The following MECOM variants were observed in gnomAD, a reference collection of about 807,000 sequenced individuals.
MECOM encodes the protein histone-lysine N-methyltransferase MECOM.
Under a neutral mutation model 116.3 loss-of-function variants are expected in MECOM, and 13 were observed. The ratio of observed to expected loss-of-function variants is 0.11; its 90% CI spans 0.07 to 0.18. The LOEUF (loss-of-function observed/expected upper bound fraction) is 0.18. Among genes scored for constraint, MECOM ranks in the 10% least tolerant of loss-of-function variants. The probability of loss-of-function intolerance (pLI) is 1.00; values close to 1 mark genes in which losing one functional copy is unlikely to be tolerated. For synonymous variants in MECOM, 528 were observed against 535.2 expected, an observed-to-expected ratio of 0.99 and a Z score of 0.19; for missense variants, 1,299 against 1,509.0, an observed-to-expected ratio of 0.86 and a Z score of 2.31.
At chr3:169,460,401 A>G (rs1053835887) in intron 1 of MECOM, among the ~76,000 whole-genome samples, 1 of 152,170 alleles carries the variant, frequency 6.6e-6, no homozygotes, top group African/African-American at 2.4e-5. Context: ...TTGTCTAAAC[A>G]ATAGAAGTAT....
At chr3:169,404,821 G>T (rs1234882403) in intron 1 of MECOM, among the ~76,000 whole-genome samples, 1 of 152,168 alleles carries the variant, frequency 6.6e-6, no homozygotes, top group Non-Finnish European at 1.5e-5. Flanking sequence ...CAAGGCCTCT[G>T]ATTATTCTAA....
intron 1 of MECOM, among the ~76,000 whole-genome samples, chr3:169,648,177 C>G (rs369247565): frequency 6.6e-6 from 1 of 152,172 alleles, no homozygotes; most frequent in East Asian, 1.9e-4. Context: ...AAGTCCTGGC[C>G]AATGCCAAGG....
intron 2 of MECOM, among the ~76,000 whole-genome samples, chr3:169,167,296 C>G (rs73170012): frequency 0.07 from 10,711 of 152,198 alleles, 483 homozygotes; most frequent in South Asian, 0.19. Flanking sequence ...ATATTCACCC[C>G]CTGTGCCTTC....
intron 2 of MECOM, among the ~76,000 whole-genome samples, chr3:169,275,916 CT>C (rs898194963): frequency 2.6e-5 from 4 of 151,980 alleles, no homozygotes; most frequent in East Asian, 1.9e-4. Flanking sequence ...AACATGTATT[CT>C]TTTTTTTAAC....
intron 1 of MECOM, among the ~76,000 whole-genome samples, chr3:169,517,110 T>TACA (rs993272309): frequency 1.1e-4 from 16 of 151,946 alleles, no homozygotes; most frequent in African/African-American, 3.1e-4. Context: ...CCATGGATCA[T>TACA]ACAACAACAA....
intron 2 of MECOM, among the ~76,000 whole-genome samples, chr3:169,299,974 C>T (rs947333109): frequency 4.6e-5 from 7 of 152,134 alleles, no homozygotes; most frequent in African/African-American, 1.4e-4. Flanking sequence ...CTTTCCCCTC[C>T]ACTCCCTCAC....
At chr3:169,323,460 C>A (rs548326300) in intron 2 of MECOM, among the ~76,000 whole-genome samples, 1 of 152,072 alleles carries the variant, frequency 6.6e-6, no homozygotes, top group East Asian at 1.9e-4. Context: ...GGCATTTGGA[C>A]GGCCTATGAA....
chr3:169,585,036 A>C lies in MECOM; in HGVS notation c.37+78300T>G, dbSNP rs758833357. On this transcript the variant is annotated intron_variant, in intron 1 of 16. Transcript: ENST00000651503. ...TTATCAAGCAAGATGAAATGGGAAA[A>C]TGGATAGAACATAAAGAAAATCTTC... Among the ~76,000 whole-genome samples the C allele has an allele frequency of 2.8e-4, 42 of 152,260 alleles. 1 individual carries two copies. The highest frequency in any genetic ancestry group is 4.8e-4 in the Non-Finnish European group (33 of 68,044).
chr3:169,428,690 A>C (rs1741127582), intron 1 of MECOM, among the ~76,000 whole-genome samples: 1 of 152,158 alleles, frequency 6.6e-6, no homozygotes, highest in African/African-American at 2.4e-5. Flanking sequence ...CCTTTTTTCT[A>C]CTTGCAAAAT....
At chr3:169,300,077 G>A (rs1384271514) in intron 2 of MECOM, among the ~76,000 whole-genome samples, 1 of 152,144 alleles carries the variant, frequency 6.6e-6, no homozygotes, top group African/African-American at 2.4e-5. Context: ...GCCTAACTGA[G>A]TGCACTCTGA....
At chr3:169,123,763 C>T (rs2149137967) in intron 5 of MECOM, among the ~76,000 whole-genome samples, 1 of 152,014 alleles carries the variant, frequency 6.6e-6, no homozygotes, top group East Asian at 1.9e-4. Context: ...TAGATAATAT[C>T]CAAAAAATTA....
chr3:169,397,062 A>G (rs901091702), intron 1 of MECOM, among the ~76,000 whole-genome samples: 3 of 152,204 alleles, frequency 2.0e-5, no homozygotes, highest in Non-Finnish European at 4.4e-5. Flanking sequence ...GCCAAAAGTT[A>G]TTAAGTGACA....
intron 1 of MECOM, among the ~76,000 whole-genome samples, chr3:169,443,612 C>T (rs1744111333): frequency 6.6e-6 from 1 of 152,226 alleles, no homozygotes; most frequent in African/African-American, 2.4e-5. Flanking sequence ...CCTTCTCTGA[C>T]TTTGCCAACA....
At chr3:169,528,231 A>G (rs1024405449) in intron 1 of MECOM, among the ~76,000 whole-genome samples, 1 of 152,216 alleles carries the variant, frequency 6.6e-6, no homozygotes, top group Non-Finnish European at 1.5e-5. Context: ...ATGTAACCCA[A>G]TGATCAAACA....
chr3:169,237,945 G>T (rs1222106698), intron 2 of MECOM, among the ~76,000 whole-genome samples: 1 of 151,988 alleles, frequency 6.6e-6, no homozygotes, highest in East Asian at 1.9e-4. Flanking sequence ...GGGAAGTCCA[G>T]GCAGGTGGAT....
intron 1 of MECOM, among the ~76,000 whole-genome samples, chr3:169,402,831 A>G (rs1045640224): frequency 6.6e-6 from 1 of 152,136 alleles, no homozygotes; most frequent in African/African-American, 2.4e-5. Context: ...TGGCAATCCT[A>G]ACTCAGGTAC....
chr3:169,592,785 A>T (rs1362460336), intron 1 of MECOM, among the ~76,000 whole-genome samples: 5 of 152,124 alleles, frequency 3.3e-5, no homozygotes, highest in Non-Finnish European at 7.3e-5. Context: ...AACAGCTGCC[A>T]GCATTTTCCA....
intron 2 of MECOM, among the ~76,000 whole-genome samples, chr3:169,311,064 G>T (rs1260225025): frequency 6.6e-6 from 1 of 152,202 alleles, no homozygotes; most frequent in East Asian, 1.9e-4. Flanking sequence ...GGCTGTGGCA[G>T]TTATATCATG....
intron 2 of MECOM, among the ~76,000 whole-genome samples, chr3:169,378,513 GA>G (rs60888447): frequency 0.18 from 5,317 of 29,436 alleles, 713 homozygotes; most frequent in African/African-American, 0.3. Flanking sequence ...AAGAAAGAAA[GA>G]AAAGAAAGAA....
Sources: gnomAD v4.1 joint callset for allele counts (sites outside exome capture counted in the v4.1 genomes callset) on GRCh38, gnomAD v4.1.1 for gene constraint, MANE v1.5 for transcripts, NCBI Gene and HGNC (gene_info 2026-07-23, HGNC 2026-07-21) for gene names.